The following CNTN6 variants were observed in gnomAD, a reference collection of about 807,000 sequenced individuals.
CNTN6 encodes contactin 6, also known as contactin-6.
Under a neutral mutation model 122.8 loss-of-function variants are expected in CNTN6, and 137 were observed. That is an observed-to-expected ratio of 1.12 (90% CI 0.97 to 1.29). The LOEUF is 1.29. CNTN6 is among the 50% of genes most tolerant of loss of function. CNTN6 has a pLI of 0.00. For missense variants in CNTN6, 1,634 were observed against 1,223.4 expected (o/e 1.34, Z -5.01); for synonymous variants, 570 against 426.0 (o/e 1.34, Z -4.16).
intron 2 of CNTN6, among the ~76,000 whole-genome samples, chr3:1,158,395 A>G (rs375526271): frequency 2.6e-5 from 4 of 152,246 alleles, no homozygotes; most frequent in South Asian, 2.1e-4. Flanking sequence ...ATTTTTCCCT[A>G]TGGAGTTGTT....
chr3:1,190,308 A>G (rs1034636899), intron 2 of CNTN6, among the ~76,000 whole-genome samples: 3 of 152,194 alleles, frequency 2.0e-5, no homozygotes, highest in African/African-American at 7.2e-5. Flanking sequence ...ATACCGTCAC[A>G]TCGGGGGTTA....
Position 1,200,801 on chromosome 3 carries a change from C to A in CNTN6, c.56-19886C>A, listed in dbSNP as rs578176515. 3.3e-5 allele frequency among the ~76,000 whole-genome samples: 5 copies of A among 152,274 alleles called. No homozygotes were observed. In the East Asian group the frequency reaches 5.8e-4, roughly 18 times the overall value. On this transcript the variant is annotated intron_variant, in intron 2 of 22. Coordinates refer to ENST00000446702, the MANE Select transcript of CNTN6 (RefSeq NM_001289080.2). ...TTTGGTTATCTCTCTAGCCCCATTT[C>A]TTGTCAACTTTTTCCTTAAGAAGAA...
At chr3:1,265,938 C>G (rs965123481) in intron 4 of CNTN6, among the ~76,000 whole-genome samples, 37 of 151,926 alleles carry the variant, frequency 2.4e-4, no homozygotes, top group African/African-American at 8.9e-4. Context: ...TTTATTACCA[C>G]TGTATCTAGA....
rs770657222 is a variant in CNTN6, at chr3:1,376,954, G to A, written c.2096-51G>A. The A allele has an allele frequency of 1.3e-5, 16 of 1,241,448 alleles. No homozygotes were observed. The Admixed American group carries it at 1.8e-4, about 14-fold the overall frequency. 76.9% of individuals were successfully genotyped at this position (1,241,448 alleles called of 1,614,324 possible). On this transcript the variant is annotated intron_variant, in intron 16 of 22. Coordinates refer to ENST00000446702, the MANE Select transcript of CNTN6 (RefSeq NM_001289080.2). ...ATTCAAAAACAAAATTCTTCCTGATGAAGACGTACTTTAATAATTGCCATC... is the reference window on the plus strand; with the variant it reads ...ATTCAAAAACAAAATTCTTCCTGATAAAGACGTACTTTAATAATTGCCATC...
At chr3:1,164,153 C>T (rs1399323870) in intron 2 of CNTN6, among the ~76,000 whole-genome samples, 3 of 152,192 alleles carry the variant, frequency 2.0e-5, no homozygotes, top group Admixed American at 6.5e-5. Context: ...ACAGAGAGCT[C>T]GTCCTCTGTT....
At chr3:1,309,398 C>A (rs930736349) in intron 7 of CNTN6, among the ~76,000 whole-genome samples, 1 of 152,188 alleles carries the variant, frequency 6.6e-6, no homozygotes, top group Middle Eastern at 3.2e-3. Flanking sequence ...TTTTTCTCCA[C>A]TGTATTGCGT....
At chr3:1,325,089 A>T (rs528842672) in intron 8 of CNTN6, among the ~76,000 whole-genome samples, 1 of 151,964 alleles carries the variant, frequency 6.6e-6, no homozygotes, top group Admixed American at 6.6e-5. Flanking sequence ...TTTAATTTCC[A>T]ACCCGCCTGT....
At chr3:1,102,204 T>C (rs1007886037) in intron 1 of CNTN6, among the ~76,000 whole-genome samples, 1 of 152,332 alleles carries the variant, frequency 6.6e-6, no homozygotes, top group South Asian at 2.1e-4. Context: ...TGGTTTCCCA[T>C]ATTTGTATGT....
intron 2 of CNTN6, among the ~76,000 whole-genome samples, chr3:1,162,601 A>G (rs1185606759): frequency 6.6e-6 from 1 of 152,236 alleles, no homozygotes; most frequent in Non-Finnish European, 1.5e-5. Flanking sequence ...ATCTAAGTTC[A>G]TGGCCATACA....
intron 17 of CNTN6, among the ~76,000 whole-genome samples, chr3:1,382,388 A>C (rs1253699492): frequency 1.3e-5 from 2 of 152,138 alleles, no homozygotes; most frequent in East Asian, 1.9e-4. Context: ...TCATGTGAGG[A>C]AAAATGCACA....
chr3:1,114,381 G>A (rs1171641457), intron 1 of CNTN6, among the ~76,000 whole-genome samples: 4 of 152,186 alleles, frequency 2.6e-5, no homozygotes, highest in Non-Finnish European at 4.4e-5. Context: ...CCCAGTTTCT[G>A]TGTGTGGCAG....
intron 12 of CNTN6, among the ~76,000 whole-genome samples, chr3:1,363,477 C>T (rs1321723452): frequency 6.6e-6 from 1 of 151,788 alleles, no homozygotes; most frequent in Non-Finnish European, 1.5e-5. Context: ...ATGTATTTGA[C>T]TTTTTTTGAT....
intron 2 of CNTN6, chr3:1,173,163 A>C (rs17034784): frequency 0.1 from 46,101 of 454,148 alleles, 2,862 homozygotes; most frequent in Middle Eastern, 0.14. Context: ...TACCGTAAGG[A>C]GAGGACATTT....
At chr3:1,353,021 A>G (rs766787876) in intron 12 of CNTN6, among the ~76,000 whole-genome samples, 6 of 151,782 alleles carry the variant, frequency 4.0e-5, no homozygotes, top group Admixed American at 1.3e-4. Context: ...GATAAATTCT[A>G]TACTTTACTT....
intron 1 of CNTN6, chr3:1,128,443 G>T (rs186213624): frequency 5.3e-5 from 8 of 152,004 alleles, no homozygotes; most frequent in Non-Finnish European, 1.2e-4. Flanking sequence ...ACAATTGGAG[G>T]ATCACCTAGT....
chr3:1,364,856 A>C (rs1707983048), intron 12 of CNTN6, among the ~76,000 whole-genome samples: 1 of 152,030 alleles, frequency 6.6e-6, no homozygotes, highest in African/African-American at 2.4e-5. Context: ...TCTTAAGAAT[A>C]GGACTGCTAG....
chr3:1,372,282 AT>A lies in CNTN6; in HGVS notation c.1493-9del, dbSNP rs748683857. The stretch of plus-strand genomic sequence containing the variant: ...AGCATTTCATAAGCTTTAAAAAATA[AT>A]TTTTTTTCTCAACAGAGAGAACTGT... On this transcript the variant is annotated splice_polypyrimidine_tract_variant and intron_variant, in intron 12 of 22. Transcript: ENST00000446702. 350 of 1,571,590 alleles carry A rather than the reference AT, an allele frequency of 2.2e-4. 4 individuals carry two copies. The South Asian group carries it at 2.7e-3, about 12-fold the overall frequency.
intron 4 of CNTN6, among the ~76,000 whole-genome samples, chr3:1,246,888 G>A (rs1348921845): frequency 6.6e-6 from 1 of 151,904 alleles, no homozygotes; most frequent in Non-Finnish European, 1.5e-5. Flanking sequence ...TGTTGTCTTT[G>A]TTTTCATTAG....
intron 11 of CNTN6, 99 bp downstream of exon 11, chr3:1,330,034 A>G (rs368826218): frequency 1.1e-6 from 1 of 873,102 alleles, no homozygotes; most frequent in Non-Finnish European, 1.6e-6. Flanking sequence ...CTCTTTTATG[A>G]TAAAGTCTCA....
Sources: gnomAD v4.1 joint callset for allele counts (sites outside exome capture counted in the v4.1 genomes callset) on GRCh38, gnomAD v4.1.1 for gene constraint, MANE v1.5 for transcripts, NCBI Gene and HGNC (gene_info 2026-07-23, HGNC 2026-07-21) for gene names.